EGFLAM: variants seen among roughly 807,000 people sequenced by gnomAD.
EGFLAM encodes the protein pikachurin.
In EGFLAM, 79 loss-of-function variants were observed where a neutral mutation model predicts 113.1. The ratio of observed to expected loss-of-function variants is 0.70; its 90% CI spans 0.58 to 0.84. The LOEUF (loss-of-function observed/expected upper bound fraction) is 0.84. EGFLAM is among the 40% of genes least tolerant of loss of function. The pLI is 0.00. For synonymous variants in EGFLAM, 504 were observed against 487.6 expected, an observed-to-expected ratio of 1.03 and a Z score of -0.44; for missense variants, 1,265 against 1,291.6, an observed-to-expected ratio of 0.98 and a Z score of 0.32.
At chr5:38,303,776 AAC>A (rs1180855134) in intron 1 of EGFLAM, among the ~76,000 whole-genome samples, 4 of 152,236 alleles carry the variant, frequency 2.6e-5, no homozygotes, top group Non-Finnish European at 5.9e-5. Context: ...AAAAAATGGT[AAC>A]AGTCACAAAA....
chr5:38,431,010 C>T (rs551660200), intron 14 of EGFLAM, among the ~76,000 whole-genome samples, 167 bp from the exon 15 acceptor site: 1 of 152,192 alleles, frequency 6.6e-6, no homozygotes, highest in Non-Finnish European at 1.5e-5. Context: ...GATGCCTGCC[C>T]AGGTTGGTGA....
chr5:38,332,135 A>T (rs1739059351), intron 1 of EGFLAM, among the ~76,000 whole-genome samples: 1 of 152,108 alleles, frequency 6.6e-6, no homozygotes, highest in Non-Finnish European at 1.5e-5. Context: ...GCATACAGGG[A>T]TGGTATCTCA....
intron 6 of EGFLAM, among the ~76,000 whole-genome samples, chr5:38,382,058 T>C (rs1329417397): frequency 6.6e-6 from 1 of 152,174 alleles, no homozygotes; most frequent in Non-Finnish European, 1.5e-5. Context: ...AAATAGTATT[T>C]GTGTTATCGC....
intron 5 of EGFLAM, among the ~76,000 whole-genome samples, chr5:38,367,178 C>T (rs1040807965): frequency 6.6e-6 from 1 of 151,656 alleles, no homozygotes; most frequent in Non-Finnish European, 1.5e-5. Context: ...GACAGGGTCT[C>T]ATTTTGTCAC....
intron 6 of EGFLAM, 79 bp downstream of exon 6, chr5:38,370,541 T>C (rs1740181901): frequency 6.6e-7 from 1 of 1,504,818 alleles, no homozygotes; most frequent in South Asian, 1.3e-5. Context: ...TTGACCTGGA[T>C]GCCGTGCAGA....
At position 38,406,255 on chromosome 5, in the gene EGFLAM, C is replaced by G; in HGVS notation, c.828+14C>G. 6.2e-7 allele frequency: 1 copy of G among 1,608,924 alleles called. No individual in the cohort carries two copies. The highest frequency in any genetic ancestry group is 1.1e-5 in the South Asian group (1 of 90,840). On this transcript the variant is annotated intron_variant, in intron 7 of 21. Coordinates refer to ENST00000322350, the MANE Select transcript of EGFLAM (RefSeq NM_152403.4). Reference sequence around the variant, plus strand: ...TCCTTTGAGGAGGTAACAATAATCTCTGCTCTTAAAACCCAGGGTGTTTGT... The same window carrying G: ...TCCTTTGAGGAGGTAACAATAATCTGTGCTCTTAAAACCCAGGGTGTTTGT...
At position 38,463,865 on chromosome 5, in the gene EGFLAM, G is replaced by A; in HGVS notation, c.2909G>A (p.Arg970Lys). ...GMKEIALHTN[R>K]QYMRGLVGCI... ...AAGGAAATTGCTCTGCACACTAACA[G>A]GCAATATATGAGAGGGCTCGTGGGC... Residue 970 changes from arginine to lysine, a missense_variant, in exon 22 of 22, where the codon AGG becomes AAG. Transcript: ENST00000322350. 1 of 1,614,054 alleles carries A rather than the reference G, an allele frequency of 6.2e-7. No homozygotes were observed. Among genetic ancestry groups the A allele is most frequent in the Non-Finnish European group, 8.5e-7 (1 of 1,180,014 alleles).
chr5:38,411,233 T>G (rs1407128332), intron 10 of EGFLAM, among the ~76,000 whole-genome samples: 5 of 151,908 alleles, frequency 3.3e-5, no homozygotes, highest in East Asian at 2.0e-4. Flanking sequence ...ATCGAGACCA[T>G]CCTGGCCAAC....
chr5:38,410,186 G>GT (rs1741432835), intron 10 of EGFLAM, among the ~76,000 whole-genome samples: 1 of 152,234 alleles, frequency 6.6e-6, no homozygotes, highest in African/African-American at 2.4e-5. Flanking sequence ...GCATAAAAGT[G>GT]TTTTTGGTTA....
rs115209618 is a variant in EGFLAM at position 38,458,151 on chromosome 5, C to T, written c.2688-160C>T. ...ATAATTTTTAATTTCATGAACCAGC[C>T]TAGAAACCCAACAACTTTTATAACA... On this transcript the variant is annotated intron_variant, in intron 19 of 21. Coordinates refer to ENST00000322350, the MANE Select transcript of EGFLAM (RefSeq NM_152403.4). 4.5e-3 allele frequency among the ~76,000 whole-genome samples: 680 copies of T among 152,272 alleles called. 1 individual carries two copies. Among genetic ancestry groups the T allele is most frequent in the Middle Eastern group, 0.014 (4 of 294 alleles).
chr5:38,416,360 C>A (rs1056980581), intron 11 of EGFLAM, among the ~76,000 whole-genome samples: 5 of 152,120 alleles, frequency 3.3e-5, no homozygotes, highest in Non-Finnish European at 7.3e-5. Flanking sequence ...GATCTCAGGC[C>A]AAGTTTTTCA....
chr5:38,393,562 A>G (rs767901791), intron 6 of EGFLAM, among the ~76,000 whole-genome samples: 6 of 152,188 alleles, frequency 3.9e-5, no homozygotes. Flanking sequence ...CCTCTCAAAC[A>G]ATAATAAAAC....
Position 38,258,846 on chromosome 5 carries a change from A to C in EGFLAM, c.92A>C (p.Lys31Thr). The change falls in exon 1 of 22, where the codon AAA becomes ACA. Residue 31 changes from lysine to threonine, a missense_variant. Physicochemically the swap from Lys to Thr is moderately conservative, Grantham distance 78. Transcript: ENST00000322350. ...GTGTCGCTCCGAGCGGCCATCCGAA[A>C]ACCAGGTAATGCGCTCCTCCGCCCA... ...GAVSLRAAIR[K>T]PGKVGPPLDI... The C allele has an allele frequency of 1.9e-6, 3 of 1,611,694 alleles. No individual in the cohort carries two copies. Among genetic ancestry groups the C allele is most frequent in the Non-Finnish European group, 2.5e-6 (3 of 1,179,272 alleles).
chr5:38,301,751 A>G (rs1758585306), intron 1 of EGFLAM, among the ~76,000 whole-genome samples: 1 of 152,100 alleles, frequency 6.6e-6, no homozygotes, highest in Non-Finnish European at 1.5e-5. Flanking sequence ...TAATGGGAAG[A>G]AAAAGAGCTA....
chr5:38,428,405 C>T (rs1024227478), intron 14 of EGFLAM, among the ~76,000 whole-genome samples: 1 of 152,198 alleles, frequency 6.6e-6, no homozygotes, highest in Non-Finnish European at 1.5e-5. Context: ...ACCTTCCCCT[C>T]TAGGGGAACG....
chr5:38,303,186 G>A (rs1248338789), intron 1 of EGFLAM, among the ~76,000 whole-genome samples: 4 of 152,152 alleles, frequency 2.6e-5, no homozygotes, highest in African/African-American at 7.2e-5. Context: ...AATCTGAGTT[G>A]TCTCCCCAAG....
chr5:38,393,349 C>T (rs1013522386), intron 6 of EGFLAM, among the ~76,000 whole-genome samples: 6 of 152,032 alleles, frequency 3.9e-5, no homozygotes, highest in African/African-American at 1.2e-4. Flanking sequence ...AAATCTATTA[C>T]CCTCCTCTCA....
intron 17 of EGFLAM, among the ~76,000 whole-genome samples, chr5:38,443,634 G>A (rs1239530872): frequency 6.6e-6 from 1 of 152,212 alleles, no homozygotes; most frequent in Non-Finnish European, 1.5e-5. Flanking sequence ...GTTTGCTCCG[G>A]CAGGATGGGC....
At chr5:38,429,281 T>G (rs1421951151) in intron 14 of EGFLAM, among the ~76,000 whole-genome samples, 2 of 152,250 alleles carry the variant, frequency 1.3e-5, no homozygotes, top group East Asian at 3.8e-4. Flanking sequence ...GTTATGGAGA[T>G]AGACCACTTA....
Sources: allele counts gnomAD v4.1 joint callset (sites outside exome capture counted in the v4.1 genomes callset), GRCh38; gene constraint gnomAD v4.1.1; transcripts MANE v1.5; gene names NCBI Gene and HGNC (gene_info 2026-07-23, HGNC 2026-07-21).